ABL1: variants seen among roughly 807,000 people sequenced by gnomAD.
ABL1 encodes ABL proto-oncogene 1, non-receptor tyrosine kinase.
A neutral mutation model predicts 94.7 loss-of-function variants in ABL1; 11 were observed. The ratio of observed to expected loss-of-function variants is 0.12; its 90% CI spans 0.07 to 0.19. The LOEUF is 0.19. Ranked by LOEUF, ABL1 falls within the 10% of genes least tolerant of loss-of-function variation. The pLI is 1.00. For missense variants in ABL1, 1,082 were observed against 1,489.4 expected, an observed-to-expected ratio of 0.73 and a Z score of 4.50; for synonymous variants, 656 against 622.4, an observed-to-expected ratio of 1.05 and a Z score of -0.80.
intron 1 of ABL1, among the ~76,000 whole-genome samples, chr9:130,735,953 A>T (rs1207650210): frequency 4.9e-5 from 4 of 81,548 alleles, no homozygotes; most frequent in East Asian, 5.3e-4. Context: ...ATATATATAT[A>T]TATATATATT....
intron 1 of ABL1, among the ~76,000 whole-genome samples, chr9:130,784,208 C>T (rs1046500380): frequency 1.3e-5 from 2 of 152,146 alleles, no homozygotes; most frequent in Non-Finnish European, 2.9e-5. Context: ...AATAAAGGCA[C>T]CTCTTGCAGT....
chr9:130,840,341 A>G (rs1830652608), intron 1 of ABL1, among the ~76,000 whole-genome samples: 1 of 152,210 alleles, frequency 6.6e-6, no homozygotes, highest in Non-Finnish European at 1.5e-5. Context: ...TGTGGAAGAG[A>G]AATTCCCATT....
intron 1 of ABL1, among the ~76,000 whole-genome samples, chr9:130,719,900 C>G (rs549920006): frequency 6.6e-6 from 1 of 152,176 alleles, no homozygotes; most frequent in Non-Finnish European, 1.5e-5. Flanking sequence ...CAGAATCATT[C>G]AGGGTCAAAG....
intron 1 of ABL1, among the ~76,000 whole-genome samples, chr9:130,728,044 C>T (rs115757949): frequency 0.023 from 3,489 of 151,640 alleles, 50 homozygotes; most frequent in African/African-American, 0.032. Context: ...ACTATAAATA[C>T]TCTCAGTTTT....
At chr9:130,747,185 G>A (rs1338697461) in intron 1 of ABL1, among the ~76,000 whole-genome samples, 4 of 152,204 alleles carry the variant, frequency 2.6e-5, no homozygotes, top group Middle Eastern at 3.4e-3. Context: ...GACCAGCCTG[G>A]GCAACATGGT....
Position 130,887,530 on chromosome 9 carries a change from TGCCCC to T in ABL1, c.*1848_*1852del, listed in dbSNP as rs954642431. Reference sequence around the variant, plus strand: ...GTGGCGTGTGCATAGCGTCCTGCCCTGCCCCCTCGGGGGCCTGTGGTGGCTCCCCC... The same window carrying T: ...GTGGCGTGTGCATAGCGTCCTGCCCTCTCGGGGGCCTGTGGTGGCTCCCCC... On this transcript the variant is annotated 3_prime_UTR_variant, in exon 11 of 11. Transcript: ENST00000318560. 5 of 233,232 alleles carry T rather than the reference TGCCCC, an allele frequency of 2.1e-5. No individual in the cohort carries two copies. The highest frequency in any genetic ancestry group is 1.1e-4 in the African/African-American group (5 of 45,308). 14.4% of individuals were successfully genotyped at this position (233,232 alleles called of 1,614,324 possible).
intron 1 of ABL1, among the ~76,000 whole-genome samples, chr9:130,813,911 G>C (rs1050355896): frequency 6.6e-6 from 1 of 152,154 alleles, no homozygotes; most frequent in Non-Finnish European, 1.5e-5. Flanking sequence ...AAAGAACAAA[G>C]GTCCCAAATC....
intron 1 of ABL1, among the ~76,000 whole-genome samples, chr9:130,801,608 A>T (rs941365630): frequency 6.6e-6 from 1 of 152,162 alleles, no homozygotes; most frequent in African/African-American, 2.4e-5. Flanking sequence ...TTCTCTGGGT[A>T]TAGAATTATA....
intron 1 of ABL1, among the ~76,000 whole-genome samples, chr9:130,755,807 C>T (rs1832034717): frequency 6.6e-6 from 1 of 152,212 alleles, no homozygotes; most frequent in Admixed American, 6.5e-5. Context: ...GCCGCTCTTC[C>T]TGGCCTCCAG....
chr9:130,840,935 A>T (rs1211842372), intron 1 of ABL1, among the ~76,000 whole-genome samples: 1 of 152,234 alleles, frequency 6.6e-6, no homozygotes, highest in Non-Finnish European at 1.5e-5. Flanking sequence ...TACAGTTTCA[A>T]AGCCATTAGG....
intron 4 of ABL1, among the ~76,000 whole-genome samples, chr9:130,866,270 T>A (rs1384045116): frequency 1.3e-5 from 2 of 152,192 alleles, no homozygotes; most frequent in East Asian, 3.8e-4. Context: ...TCAGCTCTTC[T>A]TTTTTAAAAT....
intron 1 of ABL1, among the ~76,000 whole-genome samples, chr9:130,850,187 AC>A (rs1157255333): frequency 1.3e-5 from 2 of 152,240 alleles, no homozygotes; most frequent in African/African-American, 2.4e-5. Context: ...TGTTGTAATT[AC>A]TTGGTTGATA....
intron 1 of ABL1, among the ~76,000 whole-genome samples, chr9:130,732,716 G>C (rs1177984011): frequency 6.6e-6 from 1 of 151,858 alleles, no homozygotes; most frequent in Non-Finnish European, 1.5e-5. Context: ...AAAATCCCGG[G>C]GGTCTGGTGG....
At chr9:130,713,080 C>T (rs1218995246) in exon 1 of ABL1, among the ~76,000 whole-genome samples, 1 of 152,236 alleles carries the variant, frequency 6.6e-6, no homozygotes, top group Non-Finnish European at 1.5e-5. Flanking sequence ...GTGTCTGTGC[C>T]TGAGCAGCGC....
intron 1 of ABL1, among the ~76,000 whole-genome samples, chr9:130,849,515 G>A (rs145219364): frequency 6.2e-4 from 93 of 150,222 alleles, no homozygotes; most frequent in African/African-American, 2.3e-3. Flanking sequence ...CATGTTTAAT[G>A]GTAATTTTTT....
chr9:130,866,856 G>C (rs1588274406), intron 4 of ABL1, among the ~76,000 whole-genome samples: 1 of 152,262 alleles, frequency 6.6e-6, no homozygotes, highest in East Asian at 1.9e-4. Flanking sequence ...TTTTTTTTGA[G>C]GTGGGGGAAC....
chr9:130,826,155 C>CT (rs35754166), intron 1 of ABL1, among the ~76,000 whole-genome samples: 153 of 147,218 alleles, frequency 1.0e-3, no homozygotes, highest in Middle Eastern at 0.01. Flanking sequence ...AAAAAGATTT[C>CT]TTTTTTTTTT....
At chr9:130,819,919 G>A (rs1158622335) in intron 1 of ABL1, among the ~76,000 whole-genome samples, 2 of 151,416 alleles carry the variant, frequency 1.3e-5, no homozygotes, top group African/African-American at 4.9e-5. Flanking sequence ...TGTTTCTCCA[G>A]GCATTCCTGG....
chr9:130,872,911 A>G lies in ABL1; in HGVS notation c.959A>G (p.Tyr320Cys), dbSNP rs146342596. The G allele has an allele frequency of 3.8e-5, 62 of 1,614,146 alleles. No individual in the cohort carries two copies. The highest frequency in any genetic ancestry group is 1.6e-4 in the Middle Eastern group (1 of 6,062). The change falls in exon 6 of 11, where the codon TAC (tyrosine) becomes TGC (cysteine). Residue 320 changes from tyrosine (Y) to cysteine (C), a missense_variant. Physicochemically the swap from Tyr to Cys is radical, Grantham distance 194. Transcript: ENST00000318560. The surrounding 1 kb of genome is among the most constrained non-coding windows in gnomAD (Gnocchi z 5.0). ...TATATCATCACTGAGTTCATGACCT[A>G]CGGGAACCTCCTGGACTACCTGAGG... Reference protein sequence around the residue: ...PFYIITEFMTYGNLLDYLREC... With the variant: ...PFYIITEFMTCGNLLDYLREC...
Sources: gnomAD v4.1 joint callset for allele counts (sites outside exome capture counted in the v4.1 genomes callset) on GRCh38, gnomAD v4.1.1 for gene constraint, Gnocchi (gnomAD v3.1) non-coding constraint, MANE v1.5 for transcripts, NCBI Gene and HGNC (gene_info 2026-07-23, HGNC 2026-07-21) for gene names.